ERC1: variants seen among roughly 807,000 people sequenced by gnomAD.
ERC1 encodes the protein ELKS/RAB6-interacting/CAST family member 1, also known as RAB6 interacting protein 2.
In ERC1, 56 loss-of-function variants were observed where a neutral mutation model predicts 132.0. The observed-to-expected ratio is 0.42, with a 90% CI of 0.34 to 0.53. The LOEUF is 0.53. ERC1 is among the 20% of genes least tolerant of loss of function. ERC1 has a pLI of 0.03. For missense variants in ERC1, 1,202 were observed against 1,349.9 expected (o/e 0.89, Z 1.72); for synonymous variants, 478 against 476.1 (o/e 1.00, Z -0.05).
intron 13 of ERC1, among the ~76,000 whole-genome samples, chr12:1,253,252 C>CT (rs1275697220): frequency 5.9e-5 from 9 of 152,086 alleles, no homozygotes; most frequent in Non-Finnish European, 1.3e-4. Flanking sequence ...TCAAGTAGCT[C>CT]TTTTTTATGT....
At chr12:1,176,800 A>C (rs776841142) in intron 8 of ERC1, among the ~76,000 whole-genome samples, 1 of 152,198 alleles carries the variant, frequency 6.6e-6, no homozygotes, top group Non-Finnish European at 1.5e-5. Context: ...CTATGAAAGT[A>C]CTAGATGGCA....
intron 17 of ERC1, among the ~76,000 whole-genome samples, chr12:1,435,588 C>T: frequency 6.6e-6 from 1 of 152,126 alleles, no homozygotes; most frequent in East Asian, 1.9e-4. Context: ...CTTGGTGATA[C>T]AAAGTTCTTG....
At chr12:1,470,428 G>T (rs1007202320) in intron 18 of ERC1, among the ~76,000 whole-genome samples, 22 of 150,420 alleles carry the variant, frequency 1.5e-4, no homozygotes, top group South Asian at 2.1e-4. Context: ...CTTATTAGTT[G>T]TTTGGGTTTG....
chr12:1,488,096 C>T (rs1403434830), intron 18 of ERC1, among the ~76,000 whole-genome samples: 5 of 150,336 alleles, frequency 3.3e-5, no homozygotes, highest in African/African-American at 1.2e-4. Context: ...TGAGATCGCG[C>T]CACTGCACTC....
At chr12:1,466,071 C>T (rs1288431052) in intron 18 of ERC1, among the ~76,000 whole-genome samples, 1 of 152,200 alleles carries the variant, frequency 6.6e-6, no homozygotes. Flanking sequence ...GCACTGCACA[C>T]CAACACTGTA....
intron 7 of ERC1, among the ~76,000 whole-genome samples, chr12:1,127,050 G>T (rs766451341): frequency 2.0e-5 from 3 of 149,954 alleles, no homozygotes; most frequent in Non-Finnish European, 4.4e-5. Flanking sequence ...GAGAGGGAAG[G>T]ATTTGAATAG....
intron 8 of ERC1, among the ~76,000 whole-genome samples, chr12:1,176,565 T>TC (rs1233675891): frequency 1.3e-5 from 2 of 151,944 alleles, no homozygotes; most frequent in Admixed American, 6.6e-5. Flanking sequence ...TTGTTTTCTT[T>TC]GTTTTTTTTT....
At chr12:1,134,523 A>T (rs543868892) in intron 7 of ERC1, among the ~76,000 whole-genome samples, 37 of 151,042 alleles carry the variant, frequency 2.4e-4, no homozygotes, top group African/African-American at 4.1e-4. Flanking sequence ...ATTAAAAAAA[A>T]TTTTTTTTTG....
At chr12:1,316,418 A>G (rs1009195024) in intron 15 of ERC1, among the ~76,000 whole-genome samples, 2 of 152,140 alleles carry the variant, frequency 1.3e-5, no homozygotes, top group African/African-American at 2.4e-5. Flanking sequence ...GTTTAGTTGT[A>G]TTATTGCTGA....
chr12:1,241,844 CTTCTTTTTT>C (rs1302575624), intron 13 of ERC1, among the ~76,000 whole-genome samples: 988 of 98,108 alleles, frequency 0.01, 20 homozygotes, highest in African/African-American at 0.036. Context: ...ATTTCTTCTT[CTTCTTTTTT>C]TTTTTTTTTT....
At chr12:1,115,181 T>C (rs1946317309) in intron 6 of ERC1, among the ~76,000 whole-genome samples, 1 of 152,176 alleles carries the variant, frequency 6.6e-6, no homozygotes, top group African/African-American at 2.4e-5. Flanking sequence ...TAAAAAACTA[T>C]TTTTAAAATT....
intron 12 of ERC1, among the ~76,000 whole-genome samples, chr12:1,229,357 T>G (rs1181811819): frequency 3.9e-5 from 6 of 152,108 alleles, no homozygotes; most frequent in Non-Finnish European, 8.8e-5. Flanking sequence ...AAAAATTAAC[T>G]AGTTGCAGCG....
In ERC1 at chr12:1,493,544, A is replaced by ATATATATATATATATAT. The variant is rs57315267; in HGVS notation, c.*3314_*3315insTATATATATATATATAT. Reference sequence around the variant, plus strand: ...AGAGACTCCATTTAAAAAAAAAAAAAAAAAATATATATATATATATATATA... The same window carrying ATATATATATATATATAT: ...AGAGACTCCATTTAAAAAAAAAAAAATATATATATATATATATAAAAATATATATATATATATATATA... On this transcript the variant is annotated 3_prime_UTR_variant, in exon 19 of 19. Transcript: ENST00000360905. 19 of 22,502 alleles carry ATATATATATATATATAT rather than the reference A, an allele frequency of 8.4e-4. No individual in the cohort carries two copies. Among genetic ancestry groups the ATATATATATATATATAT allele is most frequent in the Admixed American group, 2.3e-3 (3 of 1,298 alleles). The allele number at this position is 22,502 out of a possible 1,614,324, so 1.4% of individuals were successfully genotyped here.
rs551948422 is a variant in ERC1, at chr12:1,339,977, G to A, written c.2781-31856G>A. 1.8e-4 allele frequency among the ~76,000 whole-genome samples: 27 copies of A among 152,246 alleles called. No homozygotes were observed. The South Asian group carries it at 3.3e-3, about 19-fold the overall frequency. ...GGCAAGGAAAGCAAAATCTGTCCAC[G>A]TACACATGTGCTGGCAAAGAGATGT... On this transcript the variant is annotated intron_variant, in intron 15 of 18. Coordinates refer to ENST00000360905, the MANE Select transcript of ERC1 (RefSeq NM_178040.4).
chr12:1,435,353 T>C (rs2092919917), intron 17 of ERC1, among the ~76,000 whole-genome samples: 1 of 151,856 alleles, frequency 6.6e-6, no homozygotes, highest in Non-Finnish European at 1.5e-5. Flanking sequence ...AGGAAGAGAA[T>C]AATAGGACAT....
chr12:1,073,927 C>T (rs1362056786), intron 2 of ERC1, among the ~76,000 whole-genome samples: 1 of 115,346 alleles, frequency 8.7e-6, no homozygotes, highest in East Asian at 3.1e-4. Context: ...AGTGCAGTGG[C>T]ATGATCTCCA....
chr12:1,305,282 G>C (rs544011274), intron 15 of ERC1, among the ~76,000 whole-genome samples: 1 of 152,254 alleles, frequency 6.6e-6, no homozygotes, highest in Non-Finnish European at 1.5e-5. Flanking sequence ...ATGCATCAGT[G>C]ATTTCTAATG....
chr12:1,125,248 C>T, intron 7 of ERC1, among the ~76,000 whole-genome samples: 1 of 152,036 alleles, frequency 6.6e-6, no homozygotes, highest in East Asian at 1.9e-4. Context: ...CCCACCTTGG[C>T]CTCCCAGAGT....
At chr12:1,345,285 A>G (rs1342891350) in intron 15 of ERC1, among the ~76,000 whole-genome samples, 1 of 148,692 alleles carries the variant, frequency 6.7e-6, no homozygotes. Flanking sequence ...GGTTCACGCC[A>G]TTCTCCTGCC....
Sources: allele counts gnomAD v4.1 joint callset (sites outside exome capture counted in the v4.1 genomes callset), GRCh38; gene constraint gnomAD v4.1.1; transcripts MANE v1.5; gene names NCBI Gene and HGNC (gene_info 2026-07-23, HGNC 2026-07-21).